Variants in TENM2 observed in about 807,000 individuals in gnomAD.
The protein encoded by TENM2 is teneurin transmembrane protein 2, also known as teneurin-2.
A neutral mutation model predicts 245.2 loss-of-function variants in TENM2; 52 were observed. The observed-to-expected ratio is 0.21, with a 90% confidence interval of 0.17 to 0.27. The LOEUF (loss-of-function observed/expected upper bound fraction) is 0.27, where lower values mean the gene tolerates loss of function less well. TENM2 is among the 10% of genes least tolerant of loss of function. The pLI is 1.00. For missense variants in TENM2, 3,046 were observed against 3,666.8 expected, an observed-to-expected ratio of 0.83 and a Z score of 4.37; for synonymous variants, 1,363 against 1,438.9, an observed-to-expected ratio of 0.95 and a Z score of 1.19.
intron 27 of TENM2, among the ~76,000 whole-genome samples, chr5:168,251,417 T>G (rs931783269): frequency 3.9e-5 from 6 of 152,078 alleles, no homozygotes; most frequent in African/African-American, 1.4e-4. Context: ...CCAACGAAAT[T>G]GAATCCAGAA....
At chr5:167,649,896 G>A (rs925821084) in intron 2 of TENM2, among the ~76,000 whole-genome samples, 1 of 152,168 alleles carries the variant, frequency 6.6e-6, no homozygotes, top group Non-Finnish European at 1.5e-5. Context: ...ATGCATGTAT[G>A]TTTTCTAGTT....
intron 2 of TENM2, among the ~76,000 whole-genome samples, chr5:167,820,460 G>A (rs2151033271): frequency 6.6e-6 from 1 of 152,288 alleles, no homozygotes; most frequent in South Asian, 2.1e-4. Context: ...CTTTTATTGA[G>A]TGGTACTTTT....
At chr5:168,236,967 TATATATATATATATATATA>T (rs1765520947) in intron 25 of TENM2, among the ~76,000 whole-genome samples, 1 of 5,304 alleles carries the variant, frequency 1.9e-4, no homozygotes, top group Non-Finnish European at 3.5e-4. Context: ...TATATATATA[TATATATATATATATATATA>T]TATATATATA....
At chr5:167,134,718 G>A in the TENM2 span, among the ~76,000 whole-genome samples, 9 of 152,236 alleles carry the variant, frequency 5.9e-5, no homozygotes, top group East Asian at 9.7e-4. Context: ...CACAGTTCTC[G>A]TTGGACAGAG....
chr5:168,161,720 C>T (rs1263332668), intron 12 of TENM2, among the ~76,000 whole-genome samples: 1 of 151,976 alleles, frequency 6.6e-6, no homozygotes, highest in African/African-American at 2.4e-5. Context: ...TGTCCAAACT[C>T]AGGTCAGGAG....
At chr5:167,836,425 A>G (rs1179599080) in intron 2 of TENM2, among the ~76,000 whole-genome samples, 2 of 152,352 alleles carry the variant, frequency 1.3e-5, no homozygotes, top group East Asian at 3.9e-4. Flanking sequence ...TGGATGGTCC[A>G]ATTGAGGTGG....
In TENM2 at chr5:167,742,528, C is replaced by T. The variant is rs1231122994; in HGVS notation, c.503-133458C>T. Among the ~76,000 whole-genome samples the T allele has an allele frequency of 1.3e-5, 2 of 151,946 alleles. 1 individual carries two copies. The highest frequency in any genetic ancestry group is 1.3e-4 in the Admixed American group (2 of 15,242). On this transcript the variant is annotated intron_variant, in intron 2 of 28. Coordinates refer to ENST00000518659, the Ensembl canonical transcript of TENM2. ...GTATGTTAGCAGCTCCTATCAGAAA[C>T]CAATCAACGTTCTCAAACAAAATGG...
At chr5:167,000,046 T>C in the TENM2 span, among the ~76,000 whole-genome samples, 1 of 152,206 alleles carries the variant, frequency 6.6e-6, no homozygotes, top group Non-Finnish European at 1.5e-5. Context: ...AGCAGGACGC[T>C]GTGATTGTGT....
chr5:167,529,528 G>A (rs901041938), intron 2 of TENM2, among the ~76,000 whole-genome samples: 8 of 152,108 alleles, frequency 5.3e-5, no homozygotes, highest in African/African-American at 1.9e-4. Context: ...CCTGTCTTTT[G>A]TAGAGTAACC....
chr5:167,520,855 G>T (rs941722791), intron 2 of TENM2, among the ~76,000 whole-genome samples: 11 of 150,684 alleles, frequency 7.3e-5, no homozygotes, highest in Admixed American at 3.3e-4. Flanking sequence ...AATTTTTAAC[G>T]ACTTAATTCT....
At chr5:167,445,369 A>AGAGAGAGAGTGAGAGAGT (rs35699708) in intron 2 of TENM2, among the ~76,000 whole-genome samples, 1 of 98,606 alleles carries the variant, frequency 1.0e-5, no homozygotes, top group Non-Finnish European at 1.9e-5. Flanking sequence ...AGAGAGAGAG[A>AGAGAGAGAGTGAGAGAGT]GTGTCAGGTG....
chr5:167,649,839 GGC>G (rs1754325785), intron 2 of TENM2, among the ~76,000 whole-genome samples: 2 of 152,110 alleles, frequency 1.3e-5, no homozygotes, highest in South Asian at 4.1e-4. Context: ...CAAAGTCTCT[GGC>G]AACAGAGTAC....
intron 14 of TENM2, among the ~76,000 whole-genome samples, 178 bp from the exon 17 acceptor site, chr5:168,194,998 G>A (rs183283433): frequency 1.3e-5 from 2 of 152,304 alleles, no homozygotes; most frequent in African/African-American, 4.8e-5. Flanking sequence ...GACGGGAGAT[G>A]CTGCCCATGG....
At chr5:167,550,664 C>T (rs1772866858) in intron 2 of TENM2, among the ~76,000 whole-genome samples, 1 of 148,248 alleles carries the variant, frequency 6.7e-6, no homozygotes. Flanking sequence ...GGCTAGAGTA[C>T]TTTCTACACA....
chr5:167,912,505 C>T (rs1305352977), intron 3 of TENM2, among the ~76,000 whole-genome samples: 2 of 152,202 alleles, frequency 1.3e-5, no homozygotes, highest in African/African-American at 4.8e-5. Flanking sequence ...ATAGTAGTCA[C>T]TCAGTCGACA....
chr5:167,795,010 A>G (rs565469758), intron 2 of TENM2, among the ~76,000 whole-genome samples: 1 of 152,320 alleles, frequency 6.6e-6, no homozygotes, highest in African/African-American at 2.4e-5. Context: ...ACATTATTCC[A>G]AAATAAAATT....
At position 167,461,010 on chromosome 5, in the gene TENM2, A is replaced by G. The variant is rs369377879; in HGVS notation, c.502+85537A>G. Among the ~76,000 whole-genome samples the G allele has an allele frequency of 8.5e-5, 13 of 152,214 alleles. No homozygotes were observed. In the East Asian group the frequency reaches 1.5e-3, roughly 18 times the overall value. ...ATAAATTAGCACAAGGCATCTTTTGATAGGAGGAGAGCCTAAACTGAATGT... is the reference window on the plus strand; with the variant it reads ...ATAAATTAGCACAAGGCATCTTTTGGTAGGAGGAGAGCCTAAACTGAATGT... On this transcript the variant is annotated intron_variant, in intron 2 of 28. Transcript: ENST00000518659.
At chr5:168,156,666 T>C (rs528365475) in intron 12 of TENM2, among the ~76,000 whole-genome samples, 4 of 152,332 alleles carry the variant, frequency 2.6e-5, no homozygotes, top group African/African-American at 9.6e-5. Flanking sequence ...TCATGCCTAA[T>C]TTTTGTTAAG....
At position 167,722,746 on chromosome 5, in the gene TENM2, C is replaced by T. The variant is rs112782819; in HGVS notation, c.503-153240C>T. Among the ~76,000 whole-genome samples the T allele has an allele frequency of 7.9e-3, 1,205 of 152,120 alleles. 12 individuals carry two copies. The highest frequency in any genetic ancestry group is 0.027 in the Middle Eastern group (8 of 294). ...GAGCCGAGATTGCGCCACTGCACTC[C>T]AGCCTGGCCATAGAGTGAGACTCTG... On this transcript the variant is annotated intron_variant, in intron 2 of 28. Coordinates refer to ENST00000518659, the Ensembl canonical transcript of TENM2.
Sources: gnomAD v4.1 joint callset for allele counts (sites outside exome capture counted in the v4.1 genomes callset) on GRCh38, gnomAD v4.1.1 for gene constraint, MANE v1.5 for transcripts, NCBI Gene and HGNC (gene_info 2026-07-23, HGNC 2026-07-21) for gene names.